PIKFYVE: variants seen among roughly 807,000 people sequenced by gnomAD.
PIKFYVE encodes 1-phosphatidylinositol 3-phosphate 5-kinase.
Under a neutral mutation model 257.9 loss-of-function variants are expected in PIKFYVE, and 122 were observed. The observed-to-expected ratio is 0.47, with a 90% CI of 0.41 to 0.55. The LOEUF (loss-of-function observed/expected upper bound fraction) is 0.55, where lower values mean the gene tolerates loss of function less well. Among genes scored for constraint, PIKFYVE ranks in the 20% least tolerant of loss-of-function variants. The pLI, the probability that PIKFYVE is intolerant of heterozygous loss-of-function variation, is 0.00. For synonymous variants in PIKFYVE, 892 were observed against 868.9 expected, an observed-to-expected ratio of 1.03 and a Z score of -0.47; for missense variants, 2,160 against 2,536.6, an observed-to-expected ratio of 0.85 and a Z score of 3.19.
chr2:208,356,948 A>G lies in PIKFYVE; in HGVS notation c.*1643A>G, dbSNP rs1289349038. The G allele has an allele frequency of 6.6e-6, 1 of 152,660 alleles. No individual in the cohort carries two copies. The highest frequency in any genetic ancestry group is 1.5e-5 in the Non-Finnish European group (1 of 68,046). 9.5% of individuals were successfully genotyped at this position (152,660 alleles called of 1,614,324 possible). ...AGTATGATGAATACTTGAATTAGGA[A>G]CATTGTGGAAAATTTGCTTTAGAGA... On this transcript the variant is annotated 3_prime_UTR_variant, in exon 42 of 42. Coordinates refer to ENST00000264380, the MANE Select transcript of PIKFYVE (RefSeq NM_015040.4).
In PIKFYVE at chr2:208,355,672, T is replaced by G. The variant is rs1700121263; in HGVS notation, c.*367T>G. 1 of 184,550 alleles carries G rather than the reference T, an allele frequency of 5.4e-6. No homozygotes were observed. The highest frequency in any genetic ancestry group is 1.2e-4 in the South Asian group (1 of 8,626). The allele number at this position is 184,550 out of a possible 1,614,324, so 11.4% of individuals were successfully genotyped here. ...GTCTCATAAATTGACTATCCTGGCA[T>G]CACATTTAACATGTTATCTACTTAG... On this transcript the variant is annotated 3_prime_UTR_variant, in exon 42 of 42. Coordinates refer to ENST00000264380, the MANE Select transcript of PIKFYVE (RefSeq NM_015040.4).
chr2:208,315,146 C>G, intron 14 of PIKFYVE, 47 bp from the exon 15 acceptor site: 1 of 1,492,578 alleles, frequency 6.7e-7, no homozygotes, highest in South Asian at 1.1e-5. Flanking sequence ...ATTATTGTCT[C>G]TGGCAGTATT....
intron 13 of PIKFYVE, among the ~76,000 whole-genome samples, chr2:208,312,890 T>G (rs1254303519): frequency 6.6e-6 from 1 of 152,182 alleles, no homozygotes; most frequent in Admixed American, 6.5e-5. Context: ...AAATTTCTCT[T>G]CCTTCTTGGC....
chr2:208,273,975 A>G, intron 3 of PIKFYVE: 1 of 1,591,804 alleles, frequency 6.3e-7, no homozygotes. Flanking sequence ...CAAGGCACAG[A>G]TTTCTTGACT....
intron 33 of PIKFYVE, among the ~76,000 whole-genome samples, chr2:208,345,476 A>G (rs1416808180): frequency 6.6e-6 from 1 of 152,156 alleles, no homozygotes; most frequent in Non-Finnish European, 1.5e-5. Flanking sequence ...GTTTTTATTT[A>G]AAAAATAATA....
At chr2:208,350,183 A>G in intron 36 of PIKFYVE, 100 bp downstream of exon 36, 1 of 1,509,866 alleles carries the variant, frequency 6.6e-7, no homozygotes, top group Non-Finnish European at 8.9e-7. Context: ...TAAATGTCCC[A>G]GTTCTTGAAA....
intron 3 of PIKFYVE, among the ~76,000 whole-genome samples, chr2:208,275,589 G>A (rs900381029): frequency 1.3e-5 from 2 of 152,130 alleles, no homozygotes; most frequent in African/African-American, 4.8e-5. Context: ...AGTTGCCAAA[G>A]TTTTCTAAAA....
Position 208,325,777 on chromosome 2 carries a change from A to T in PIKFYVE, c.2966A>T (p.Asp989Val). 6.2e-7 allele frequency: 1 copy of T among 1,613,980 alleles called. No homozygotes were observed. Among genetic ancestry groups the T allele is most frequent in the Non-Finnish European group, 8.5e-7 (1 of 1,179,924 alleles). ...LLPLPVDDQQ[D>V]ALGSEQPETL... ...CCACTCCCTGTGGATGACCAACAAG[A>T]TGCTTTAGGCAGCGAGCAGCCAGAG... Residue 989 changes from aspartate to valine, a missense_variant, in exon 20 of 42, where the codon GAT (aspartate) becomes GTT (valine). By Grantham distance (152) the Asp-to-Val change is radical. Around this residue, in one of 12 missense-constraint regions of PIKFYVE, gnomAD observed 522 missense variants for 514.6 expected, o/e 1.01. Transcript: ENST00000264380.
chr2:208,339,875 T>C, intron 30 of PIKFYVE, 136 bp from the exon 31 acceptor site: 6 of 1,086,322 alleles, frequency 5.5e-6, no homozygotes, highest in Non-Finnish European at 8.0e-6. Context: ...TCTTTTCCCT[T>C]GATCAGAAAT....
intron 5 of PIKFYVE, among the ~76,000 whole-genome samples, chr2:208,285,203 C>T (rs922479788): frequency 1.3e-5 from 2 of 152,202 alleles, no homozygotes; most frequent in South Asian, 4.1e-4. Flanking sequence ...TCAAGCAATT[C>T]TCCTGCCTCA....
intron 6 of PIKFYVE, 150 bp downstream of exon 6, chr2:208,286,083 G>A: frequency 1.3e-6 from 1 of 785,574 alleles, no homozygotes; most frequent in Non-Finnish European, 2.0e-6. Context: ...CCTCCAGAAT[G>A]TTTGCAGATG....
At chr2:208,289,634 G>GT (rs1302842082) in intron 7 of PIKFYVE, among the ~76,000 whole-genome samples, 1 of 152,034 alleles carries the variant, frequency 6.6e-6, no homozygotes, top group Non-Finnish European at 1.5e-5. Flanking sequence ...GTTTCACCGT[G>GT]TTAGCCAGGA....
At chr2:208,284,754 G>C (rs1263375177) in intron 5 of PIKFYVE, among the ~76,000 whole-genome samples, 1 of 151,846 alleles carries the variant, frequency 6.6e-6, no homozygotes, top group Non-Finnish European at 1.5e-5. Flanking sequence ...CATTTGTGTT[G>C]GTTTATTTAT....
rs542779042 is a variant in PIKFYVE, at chr2:208,344,678, T to G, written c.5028-433T>G. Among the ~76,000 whole-genome samples, 6 of 148,950 alleles carry G rather than the reference T, an allele frequency of 4.0e-5. No individual in the cohort carries two copies. The East Asian group carries it at 9.9e-4, about 25-fold the overall frequency. ...AAACTGCTAACCTAAGAGTCAGGTT[T>G]TTTTTTTTTCTTTTTGGTTAATAGA... On this transcript the variant is annotated intron_variant, in intron 32 of 41. Transcript: ENST00000264380.
At chr2:208,313,100 G>C (rs1695104274) in intron 13 of PIKFYVE, among the ~76,000 whole-genome samples, 1 of 152,140 alleles carries the variant, frequency 6.6e-6, no homozygotes, top group Non-Finnish European at 1.5e-5. Context: ...TGTGTAATCT[G>C]CTGGGCTGTT....
At chr2:208,352,613 C>A in intron 38 of PIKFYVE, 41 bp from the exon 39 acceptor site, 1 of 1,602,104 alleles carries the variant, frequency 6.2e-7, no homozygotes, top group Non-Finnish European at 8.5e-7. Context: ...TTATAAATAA[C>A]CCTTTTTGAT....
At chr2:208,331,983 A>C (rs779349694) in intron 23 of PIKFYVE, among the ~76,000 whole-genome samples, 1 of 152,216 alleles carries the variant, frequency 6.6e-6, no homozygotes, top group African/African-American at 2.4e-5. Context: ...ATGCTTTGCT[A>C]TATGCACTTT....
intron 29 of PIKFYVE, among the ~76,000 whole-genome samples, chr2:208,338,981 T>C (rs1312038972): frequency 2.6e-5 from 4 of 152,172 alleles, no homozygotes; most frequent in Non-Finnish European, 5.9e-5. Flanking sequence ...CATAGAAACT[T>C]TGTGGGGAAA....
At position 208,326,212 on chromosome 2, in the gene PIKFYVE, T is replaced by C; in HGVS notation, c.3401T>C (p.Val1134Ala). The change falls in exon 20 of 42, where the codon GTG becomes GCG. Residue 1134 changes from valine (V) to alanine (A), a missense_variant. Transcript: ENST00000264380. Reference protein sequence around the residue: ...SIQVLPSHELVSTRIAEHLGD... With the variant: ...SIQVLPSHELASTRIAEHLGD... ...CAAGTCTTACCCTCACATGAGCTAG[T>C]GAGCACTAGAATTGCTGAGCATCTG... 1 of 1,601,096 alleles carries C rather than the reference T, an allele frequency of 6.2e-7. No homozygotes were observed. Among genetic ancestry groups the C allele is most frequent in the Non-Finnish European group, 8.5e-7 (1 of 1,173,414 alleles).
Sources: gnomAD v4.1 joint callset for allele counts (sites outside exome capture counted in the v4.1 genomes callset) on GRCh38, gnomAD v4.1.1 for gene constraint, gnomAD v4.1.1 regional missense constraint, MANE v1.5 for transcripts, NCBI Gene and HGNC (gene_info 2026-07-23, HGNC 2026-07-21) for gene names.